The following ZNF346 variants were observed in gnomAD, a reference collection of about 807,000 sequenced individuals.
The protein encoded by ZNF346 is zinc finger protein 346, also known as double-stranded RNA-binding zinc finger protein JAZ.
ZNF346 carries 23 observed loss-of-function variants against 33.7 expected under a neutral mutation model. The ratio of observed to expected loss-of-function variants is 0.68; its 90% CI spans 0.49 to 0.97. The LOEUF (loss-of-function observed/expected upper bound fraction) is 0.97. Among genes scored for constraint, ZNF346 ranks in the 50% least tolerant of loss-of-function variants. The pLI is 0.00. For synonymous variants in ZNF346, 134 were observed against 142.4 expected (o/e 0.94, Z 0.42); for missense variants, 340 against 371.1 (o/e 0.92, Z 0.69).
At chr5:177,071,176 G>T (rs1238205836), downstream of ZNF346, among the ~76,000 whole-genome samples, 3 of 152,152 alleles carry the variant, frequency 2.0e-5, no homozygotes, top group African/African-American at 7.2e-5. Context: ...TGAAGTGGAA[G>T]TTAGAAGAAA....
At chr5:177,053,288 C>T (rs1360435336) in intron 5 of ZNF346, among the ~76,000 whole-genome samples, 1 of 145,006 alleles carries the variant, frequency 6.9e-6, no homozygotes, top group African/African-American at 2.6e-5. Flanking sequence ...TGCACTCCAG[C>T]CTGGCAAAAG....
intron 5 of ZNF346, among the ~76,000 whole-genome samples, chr5:177,054,524 G>C (rs185014055): frequency 1.3e-5 from 2 of 151,784 alleles, no homozygotes; most frequent in East Asian, 3.9e-4. Flanking sequence ...TCAGCCTCCC[G>C]TGTAGCTGGG....
At chr5:177,027,803 C>G (rs1056550857) in intron 1 of ZNF346, among the ~76,000 whole-genome samples, 3 of 151,242 alleles carry the variant, frequency 2.0e-5, no homozygotes, top group African/African-American at 7.3e-5. Flanking sequence ...ACCACCATGC[C>G]CAGCTAATTT....
intron 6 of ZNF346, among the ~76,000 whole-genome samples, chr5:177,062,373 GA>G (rs1418062590): frequency 6.6e-6 from 1 of 152,168 alleles, no homozygotes; most frequent in African/African-American, 2.4e-5. Flanking sequence ...GTTTAATAGA[GA>G]AGCATACATG....
intron 6 of ZNF346, 119 bp downstream of exon 6, chr5:177,062,270 C>T: frequency 1.3e-6 from 1 of 766,578 alleles, no homozygotes; most frequent in Non-Finnish European, 2.2e-6. Flanking sequence ...TTTCAGTGAA[C>T]AGAAGATGAA....
intron 8 of ZNF346, among the ~76,000 whole-genome samples, chr5:177,073,621 G>A (rs115680934): frequency 2.6e-5 from 4 of 152,238 alleles, no homozygotes; most frequent in African/African-American, 9.6e-5. Flanking sequence ...CTTATTGAGG[G>A]AGATGATCCT....
chr5:177,079,022 G>C (rs1038341355), intron 8 of ZNF346, among the ~76,000 whole-genome samples: 1 of 152,200 alleles, frequency 6.6e-6, no homozygotes, highest in East Asian at 1.9e-4. Flanking sequence ...TATAATCCCA[G>C]CACTTTGGGA....
intron 1 of ZNF346, among the ~76,000 whole-genome samples, chr5:177,027,683 ATTTAT>A (rs1437505633): frequency 9.4e-6 from 1 of 106,400 alleles, no homozygotes; most frequent in Non-Finnish European, 2.0e-5. Flanking sequence ...TTCTCTATTT[ATTTAT>A]TTAGAGACAG....
At chr5:177,044,617 T>G in intron 4 of ZNF346, 84 bp downstream of exon 4, 1 of 1,442,382 alleles carries the variant, frequency 6.9e-7, no homozygotes, top group East Asian at 2.3e-5. Context: ...AGATCCTCAC[T>G]GAGGCCACAG....
At chr5:177,049,471 T>C (rs1326372759) in intron 4 of ZNF346, among the ~76,000 whole-genome samples, 1 of 152,218 alleles carries the variant, frequency 6.6e-6, no homozygotes, top group African/African-American at 2.4e-5. Context: ...GGCATCCGCT[T>C]TATGAGGCAG....
At chr5:177,052,416 C>A (rs1781076505) in intron 5 of ZNF346, 1 of 150,124 alleles carries the variant, frequency 6.7e-6, no homozygotes, top group African/African-American at 2.5e-5. Context: ...CTCCTGACCT[C>A]AAGTGATCCA....
intron 1 of ZNF346, among the ~76,000 whole-genome samples, chr5:177,033,559 TGTAG>T (rs1277828440): frequency 6.6e-6 from 1 of 152,230 alleles, no homozygotes; most frequent in Non-Finnish European, 1.5e-5. Flanking sequence ...AGTCTCACTC[TGTAG>T]CCCAGGCTGG....
At chr5:177,053,317 CAAAAAAAAAAA>C (rs754883910) in intron 5 of ZNF346, among the ~76,000 whole-genome samples, 1 of 87,370 alleles carries the variant, frequency 1.1e-5, no homozygotes, top group African/African-American at 4.3e-5. Flanking sequence ...GACTTCATCT[CAAAAAAAAAAA>C]AAAAAAAAAA....
intron 1 of ZNF346, among the ~76,000 whole-genome samples, chr5:177,035,001 CT>C (rs1171831605): frequency 1.1e-4 from 17 of 151,362 alleles, no homozygotes; most frequent in Middle Eastern, 3.4e-3. Flanking sequence ...TAGTGATTTT[CT>C]TTTTCTTTTC....
At chr5:177,073,069 T>C (rs1482345459) in intron 8 of ZNF346, among the ~76,000 whole-genome samples, 1 of 152,208 alleles carries the variant, frequency 6.6e-6, no homozygotes, top group Non-Finnish European at 1.5e-5. Context: ...TGTTCCCCTC[T>C]AGCATAGCCC....
At chr5:177,071,398 G>A (rs1562048569), downstream of ZNF346, among the ~76,000 whole-genome samples, 1 of 151,518 alleles carries the variant, frequency 6.6e-6, no homozygotes, top group African/African-American at 2.4e-5. Context: ...AGAAAAAAGG[G>A]GCCAGGCGCC....
At chr5:177,056,592 A>T (rs1257235242) in intron 5 of ZNF346, among the ~76,000 whole-genome samples, 4 of 152,260 alleles carry the variant, frequency 2.6e-5, no homozygotes, top group Non-Finnish European at 4.4e-5. Flanking sequence ...GCCATAAAAA[A>T]GGATGGGTTC....
At chr5:177,041,705 A>T in intron 2 of ZNF346, 73 bp from the exon 3 acceptor site, 1 of 956,162 alleles carries the variant, frequency 1.0e-6, no homozygotes, top group Non-Finnish European at 1.6e-6. Flanking sequence ...TGAAAATCTC[A>T]TAAGTGTTTT....
chr5:177,056,059 A>G (rs1781631286), intron 5 of ZNF346, among the ~76,000 whole-genome samples: 1 of 139,078 alleles, frequency 7.2e-6, no homozygotes, highest in Non-Finnish European at 1.6e-5. Context: ...CTGGGCAAAA[A>G]AGCCAGACTC....
Sources: allele counts gnomAD v4.1 joint callset (sites outside exome capture counted in the v4.1 genomes callset), GRCh38; gene constraint gnomAD v4.1.1; transcripts MANE v1.5; gene names NCBI Gene and HGNC (gene_info 2026-07-23, HGNC 2026-07-21).